GRAMD1B: variants seen among roughly 807,000 people sequenced by gnomAD.
GRAMD1B encodes GRAM domain containing 1B.
A neutral mutation model predicts 99.7 loss-of-function variants in GRAMD1B; 37 were observed. The ratio of observed to expected loss-of-function variants is 0.37; its 90% CI spans 0.29 to 0.49. The LOEUF is 0.49. GRAMD1B is among the 20% of genes least tolerant of loss of function. The pLI is 0.98. For synonymous variants in GRAMD1B, 427 were observed against 387.6 expected, an observed-to-expected ratio of 1.10 and a Z score of -1.19; for missense variants, 888 against 1,009.2, an observed-to-expected ratio of 0.88 and a Z score of 1.63.
chr11:123,597,609 G>A (rs971165802), intron 7 of GRAMD1B, among the ~76,000 whole-genome samples: 6 of 152,080 alleles, frequency 3.9e-5, no homozygotes, highest in African/African-American at 1.4e-4. Flanking sequence ...GCCATGATGT[G>A]TAGCATAACA....
At chr11:123,473,987 T>C (rs1951138840) in intron 1 of GRAMD1B, among the ~76,000 whole-genome samples, 1 of 152,226 alleles carries the variant, frequency 6.6e-6, no homozygotes, top group Non-Finnish European at 1.5e-5. Context: ...AGAGTCATTT[T>C]ATATGTAGAA....
intron 1 of GRAMD1B, among the ~76,000 whole-genome samples, chr11:123,385,598 C>T (rs917759275): frequency 3.3e-5 from 5 of 152,168 alleles, no homozygotes; most frequent in Non-Finnish European, 5.9e-5. Flanking sequence ...AGGCCCTTCC[C>T]AGCCCCACAA....
At chr11:123,611,206 A>G (rs1953503813) in intron 14 of GRAMD1B, among the ~76,000 whole-genome samples, 1 of 126,154 alleles carries the variant, frequency 7.9e-6, no homozygotes, top group South Asian at 3.1e-4. Context: ...AGGCTTACGC[A>G]GGAGGGATTG....
chr11:123,519,944 A>G (rs544585279), intron 2 of GRAMD1B, among the ~76,000 whole-genome samples: 1 of 152,390 alleles, frequency 6.6e-6, no homozygotes, highest in South Asian at 2.1e-4. Context: ...TTGAGTTCAC[A>G]GCTTCCAGGT....
upstream of GRAMD1B, among the ~76,000 whole-genome samples, chr11:123,425,328 G>A (rs917429446): frequency 1.3e-5 from 2 of 152,158 alleles, no homozygotes; most frequent in Non-Finnish European, 2.9e-5. Flanking sequence ...TCCTTGGGAT[G>A]GGCAGCCAAG....
At chr11:123,490,531 C>T (rs1938432309) in intron 2 of GRAMD1B, among the ~76,000 whole-genome samples, 1 of 152,018 alleles carries the variant, frequency 6.6e-6, no homozygotes, top group Non-Finnish European at 1.5e-5. Flanking sequence ...CAGCTGAGGC[C>T]CTTAGGAGCC....
intron 1 of GRAMD1B, among the ~76,000 whole-genome samples, chr11:123,446,363 A>G (rs1005433110): frequency 3.3e-5 from 5 of 151,730 alleles, no homozygotes; most frequent in African/African-American, 9.7e-5. Flanking sequence ...ATGGGGTTTC[A>G]CCATGTTGGC....
At chr11:123,475,509 G>T (rs1951220754) in intron 1 of GRAMD1B, among the ~76,000 whole-genome samples, 1 of 152,212 alleles carries the variant, frequency 6.6e-6, no homozygotes, top group South Asian at 2.1e-4. Context: ...TCTGAAGCTT[G>T]AATGTACAGC....
At chr11:123,515,303 A>T (rs1213692171) in intron 2 of GRAMD1B, among the ~76,000 whole-genome samples, 1 of 152,186 alleles carries the variant, frequency 6.6e-6, no homozygotes, top group African/African-American at 2.4e-5. Flanking sequence ...GTTCAGAAAC[A>T]ATGAGAAATT....
chr11:123,602,048 G>A (rs1565445707), intron 8 of GRAMD1B, among the ~76,000 whole-genome samples: 2 of 152,278 alleles, frequency 1.3e-5, no homozygotes, highest in Admixed American at 6.5e-5. Flanking sequence ...CCCAGGCAGG[G>A]TGGATGTTGC....
At chr11:123,469,774 T>TC (rs1555128647) in intron 1 of GRAMD1B, among the ~76,000 whole-genome samples, 23,281 of 99,924 alleles carry the variant, frequency 0.23, 3,318 homozygotes, top group African/African-American at 0.5. Flanking sequence ...TCTTTCTCTT[T>TC]CTTTCCTTCC....
At chr11:123,367,374 C>T (rs895773344) in intron 1 of GRAMD1B, among the ~76,000 whole-genome samples, 4 of 152,162 alleles carry the variant, frequency 2.6e-5, no homozygotes, top group Admixed American at 1.3e-4. Context: ...GTCATAGGAA[C>T]GCCAAGTCCA....
In GRAMD1B at chr11:123,625,974, G is replaced by GAGAGAGAGAGAGAGAGAGAA. The variant is rs1396157675; in HGVS notation, c.*3386_*3387insGAGAGAGAGAGAAAGAGAGA. ...AGAGAGAGAGAGAGAGAGAGAGAGA[G>GAGAGAGAGAGAGAGAGAGAA]AGAGAGATCGAGCTTGATGTATTGC... On this transcript the variant is annotated 3_prime_UTR_variant, in exon 20 of 20. Coordinates refer to ENST00000635736, the MANE Select transcript of GRAMD1B (RefSeq NM_001387025.1). 1 of 80,498 alleles carries GAGAGAGAGAGAGAGAGAGAA rather than the reference G, an allele frequency of 1.2e-5. No individual in the cohort carries two copies. The highest frequency in any genetic ancestry group is 5.1e-4 in the South Asian group (1 of 1,960). The allele number at this position is 80,498 out of a possible 1,614,324, so 5.0% of individuals were successfully genotyped here. A position where few individuals can be genotyped will look rare whatever the true frequency, so the allele number is the denominator to read the frequency against.
In GRAMD1B at chr11:123,363,584, G is replaced by T. The variant is rs966415774; in HGVS notation, c.-176+4785G>T. Among the ~76,000 whole-genome samples, 260 of 147,904 alleles carry T rather than the reference G, an allele frequency of 1.8e-3. 1 individual carries two copies. The highest frequency in any genetic ancestry group is 6.5e-3 in the African/African-American group (249 of 38,402). ...TCTCTCTCATACTTTTTTTTTGTTTGTTTTTTTTTGGCACTGGGTTTGGTT... is the reference window on the plus strand; with the variant it reads ...TCTCTCTCATACTTTTTTTTTGTTTTTTTTTTTTTGGCACTGGGTTTGGTT... On this transcript the variant is annotated intron_variant, in intron 1 of 20. Coordinates refer to the GRAMD1B transcript ENST00000638157.
chr11:123,403,486 TAA>T lies in GRAMD1B; in HGVS notation c.-176+44688_-176+44689del, dbSNP rs1565476733. ...ATAATAATAATAATAATAATAATAA[TAA>T]TAATTTCGTCTCTTGTTGTTAGGCT... is the stretch of plus-strand genomic sequence containing the variant. On this transcript the variant is annotated intron_variant, in intron 1 of 20. Coordinates refer to the GRAMD1B transcript ENST00000638157. 5.1e-4 allele frequency among the ~76,000 whole-genome samples: 74 copies of T among 146,404 alleles called. 1 individual carries two copies. The highest frequency in any genetic ancestry group is 1.7e-3 in the African/African-American group (68 of 39,484).
intron 1 of GRAMD1B, among the ~76,000 whole-genome samples, chr11:123,439,095 T>C (rs1306353353): frequency 6.6e-6 from 1 of 152,136 alleles, no homozygotes; most frequent in African/African-American, 2.4e-5. Flanking sequence ...TTGTGCCTGG[T>C]GTGAGGAGGG....
At chr11:123,400,555 G>T (rs1947624350) in intron 1 of GRAMD1B, among the ~76,000 whole-genome samples, 2 of 152,238 alleles carry the variant, frequency 1.3e-5, no homozygotes, top group African/African-American at 4.8e-5. Context: ...TAAGATGTGG[G>T]CAGATTTGAT....
At chr11:123,622,462 A>C (rs1167633386) in intron 19 of GRAMD1B, 44 bp from the exon 20 acceptor site, 1 of 1,204,624 alleles carries the variant, frequency 8.3e-7, no homozygotes, top group South Asian at 1.3e-5. Context: ...GAATCCCACT[A>C]AAAGCGCAGA....
At chr11:123,444,437 A>G (rs984170176) in intron 1 of GRAMD1B, among the ~76,000 whole-genome samples, 2 of 151,908 alleles carry the variant, frequency 1.3e-5, no homozygotes, top group Non-Finnish European at 2.9e-5. Flanking sequence ...GGCTGCAGTG[A>G]GTTGTGACTG....
Sources: allele counts gnomAD v4.1 joint callset (sites outside exome capture counted in the v4.1 genomes callset), GRCh38; gene constraint gnomAD v4.1.1; transcripts MANE v1.5; gene names NCBI Gene and HGNC (gene_info 2026-07-23, HGNC 2026-07-21).